ILKAP: variants seen among roughly 807,000 people sequenced by gnomAD.
ILKAP encodes ILK associated serine/threonine phosphatase, also known as integrin-linked kinase-associated serine/threonine phosphatase 2C.
A neutral mutation model predicts 49.1 loss-of-function variants in ILKAP; 11 were observed. That is an observed-to-expected ratio of 0.22 (90% CI 0.14 to 0.37). The LOEUF (loss-of-function observed/expected upper bound fraction) is 0.37, where lower values mean the gene tolerates loss of function less well. Among genes scored for constraint, ILKAP ranks in the 10% least tolerant of loss-of-function variants. The pLI, the probability that ILKAP is intolerant of heterozygous loss-of-function variation, is 1.00. For synonymous variants in ILKAP, 186 were observed against 192.8 expected, an observed-to-expected ratio of 0.96 and a Z score of 0.29; for missense variants, 363 against 510.8, an observed-to-expected ratio of 0.71 and a Z score of 2.79.
At chr2:238,202,319 A>G (rs572281994) in intron 1 of ILKAP, among the ~76,000 whole-genome samples, 4 of 152,070 alleles carry the variant, frequency 2.6e-5, no homozygotes, top group Admixed American at 1.3e-4. Context: ...CTCCTTCCCC[A>G]GTCTCTCGGT....
chr2:238,192,681 C>G (rs1386903297), intron 3 of ILKAP, among the ~76,000 whole-genome samples: 42 of 129,702 alleles, frequency 3.2e-4, no homozygotes, highest in Non-Finnish European at 6.1e-4. Flanking sequence ...GCCTGGGCAA[C>G]AGAGAGAGAG....
chr2:238,201,689 T>A (rs1407140603), intron 1 of ILKAP, among the ~76,000 whole-genome samples: 1 of 152,180 alleles, frequency 6.6e-6, no homozygotes, highest in African/African-American at 2.4e-5. Context: ...CAGAACCTAA[T>A]TAATTGCAGG....
At chr2:238,171,558 T>C (rs1288181962) in intron 10 of ILKAP, among the ~76,000 whole-genome samples, 1 of 152,260 alleles carries the variant, frequency 6.6e-6, no homozygotes, top group Non-Finnish European at 1.5e-5. Flanking sequence ...AAACTGAGAC[T>C]ATCCTTCTCT....
chr2:238,184,127 GC>G lies in ILKAP; in HGVS notation c.533-15del. The G allele has an allele frequency of 7.1e-7, 1 of 1,403,362 alleles. No individual in the cohort carries two copies. Among genetic ancestry groups the G allele is most frequent in the Non-Finnish European group, 1.0e-6 (1 of 988,684 alleles). 86.9% of individuals were successfully genotyped at this position (1,403,362 alleles called of 1,614,324 possible). A position where few individuals can be genotyped will look rare whatever the true frequency, so the allele number is the denominator to read the frequency against. ...TGATTACATCTCCTATTACAGAAGG[GC>G]CAAAAGAAAACAATCTCTCAAGGAG... On this transcript the variant is annotated splice_polypyrimidine_tract_variant and intron_variant, in intron 6 of 11. Transcript: ENST00000254654.
intron 4 of ILKAP, chr2:238,188,515 T>C: frequency 2.8e-6 from 1 of 355,770 alleles, no homozygotes; most frequent in Non-Finnish European, 5.2e-6. Flanking sequence ...AAAACAACTC[T>C]GTCTAGGGTG....
intron 3 of ILKAP, among the ~76,000 whole-genome samples, chr2:238,192,398 C>T (rs74596805): frequency 0.14 from 20,986 of 151,786 alleles, 1,732 homozygotes; most frequent in Middle Eastern, 0.22. Context: ...GGTTCCTGCC[C>T]GCTTAAGAAT....
intron 2 of ILKAP, 198 bp from the exon 3 acceptor site, chr2:238,194,529 C>A (rs967806503): frequency 1.6e-6 from 1 of 613,508 alleles, no homozygotes; most frequent in East Asian, 2.8e-5. Context: ...AAATAAAAAT[C>A]TGCCTTAAAA....
chr2:238,193,815 G>A (rs1423530551), intron 3 of ILKAP, among the ~76,000 whole-genome samples: 1 of 152,126 alleles, frequency 6.6e-6, no homozygotes, highest in Non-Finnish European at 1.5e-5. Context: ...TCATGAGACA[G>A]AATCATACCT....
chr2:238,170,911 G>A (rs374284746), intron 11 of ILKAP, 32 bp downstream of exon 11: 2 of 1,590,542 alleles, frequency 1.3e-6, no homozygotes, highest in Non-Finnish European at 8.6e-7. Context: ...ACACAATTGG[G>A]ACAACCACCA....
chr2:238,183,948 C>A, intron 7 of ILKAP, 72 bp downstream of exon 7: 8 of 1,082,644 alleles, frequency 7.4e-6, no homozygotes, highest in Non-Finnish European at 1.0e-5. Context: ...TAAACCACAT[C>A]AGAAGACTGA....
chr2:238,175,140 C>A (rs1223003861), intron 9 of ILKAP, among the ~76,000 whole-genome samples: 2 of 151,494 alleles, frequency 1.3e-5, no homozygotes, highest in Non-Finnish European at 2.9e-5. Context: ...TTTTAAGAGA[C>A]AGGGTCTCCC....
chr2:238,185,524 C>T (rs1403224882), intron 5 of ILKAP: 7 of 402,988 alleles, frequency 1.7e-5, no homozygotes, highest in African/African-American at 1.0e-4. Flanking sequence ...TGTGTGTGGG[C>T]CAGGTGTGGT....
chr2:238,190,094 A>C, intron 3 of ILKAP, 122 bp from the exon 4 acceptor site: 1 of 993,490 alleles, frequency 1.0e-6, no homozygotes, highest in East Asian at 3.0e-5. Flanking sequence ...ACTGGCAGAC[A>C]CAGGCAGACC....
intron 9 of ILKAP, among the ~76,000 whole-genome samples, chr2:238,176,937 A>G (rs2106327975): frequency 6.6e-6 from 1 of 152,390 alleles, no homozygotes; most frequent in South Asian, 2.1e-4. Context: ...CTACAGAGAT[A>G]ACCAAAGGTA....
intron 1 of ILKAP, among the ~76,000 whole-genome samples, chr2:238,203,184 C>T (rs1202353843): frequency 4.0e-5 from 6 of 151,128 alleles, no homozygotes; most frequent in Non-Finnish European, 8.9e-5. Flanking sequence ...GAGCCGGTCC[C>T]TCGGGTCGGC....
intron 3 of ILKAP, among the ~76,000 whole-genome samples, chr2:238,191,444 C>T (rs186770230): frequency 6.6e-6 from 1 of 152,342 alleles, no homozygotes; most frequent in Non-Finnish European, 1.5e-5. Flanking sequence ...ATTAGTTGCA[C>T]AAGGCCCTAT....
chr2:238,199,621 G>T, intron 1 of ILKAP, among the ~76,000 whole-genome samples: 2 of 151,078 alleles, frequency 1.3e-5, no homozygotes, highest in African/African-American at 4.9e-5. Flanking sequence ...TTATTTTCTC[G>T]GTTTGTCTTT....
intron 9 of ILKAP, among the ~76,000 whole-genome samples, chr2:238,175,171 G>A (rs1693395516): frequency 6.6e-6 from 1 of 151,678 alleles, no homozygotes; most frequent in South Asian, 2.1e-4. Context: ...AGGCTGGAGG[G>A]CAGTGGTGCA....
At chr2:238,183,322 A>T (rs915384550) in intron 8 of ILKAP, among the ~76,000 whole-genome samples, 2 of 152,244 alleles carry the variant, frequency 1.3e-5, no homozygotes, top group East Asian at 1.9e-4. Flanking sequence ...AAATAAAAGA[A>T]GATTTAGGCT....
Sources: allele counts gnomAD v4.1 joint callset (sites outside exome capture counted in the v4.1 genomes callset), GRCh38; gene constraint gnomAD v4.1.1; transcripts MANE v1.5; gene names NCBI Gene and HGNC (gene_info 2026-07-23, HGNC 2026-07-21).